Variants in SAMD12 observed in about 807,000 individuals in gnomAD.
The protein encoded by SAMD12 is sterile alpha motif domain-containing protein 12.
SAMD12 carries 9 observed loss-of-function variants against 15.0 expected under a neutral mutation model. The ratio of observed to expected loss-of-function variants is 0.60; its 90% confidence interval spans 0.36 to 1.05. The LOEUF (loss-of-function observed/expected upper bound fraction) is 1.05, where lower values mean the gene tolerates loss of function less well. Among genes scored for constraint, SAMD12 ranks in the 50% least tolerant of loss-of-function variants. The pLI is 0.01. For synonymous variants in SAMD12, 86 were observed against 90.1 expected, an observed-to-expected ratio of 0.96 and a Z score of 0.25; for missense variants, 230 against 234.2, an observed-to-expected ratio of 0.98 and a Z score of 0.12.
intron 1 of SAMD12, among the ~76,000 whole-genome samples, chr8:118,596,840 T>C (rs1410162578): frequency 6.6e-6 from 1 of 152,178 alleles, no homozygotes; most frequent in East Asian, 1.9e-4. Context: ...AGAAGACAGA[T>C]ATCACACAAA....
chr8:118,479,473 G>T (rs1824059578), intron 2 of SAMD12, among the ~76,000 whole-genome samples: 1 of 152,074 alleles, frequency 6.6e-6, no homozygotes, highest in Non-Finnish European at 1.5e-5. Flanking sequence ...AAACTATCAG[G>T]TCTTGTGAGA....
chr8:118,282,421 T>A (rs752609288), intron 4 of SAMD12: 16 of 450,422 alleles, frequency 3.6e-5, no homozygotes, highest in Non-Finnish European at 7.1e-5. Context: ...CCTTCTGCAG[T>A]CCAAAGGAAG....
At chr8:118,405,406 T>C (rs2130798101) in intron 3 of SAMD12, among the ~76,000 whole-genome samples, 1 of 137,776 alleles carries the variant, frequency 7.3e-6, no homozygotes, top group East Asian at 2.1e-4. Context: ...CACCGATAAA[T>C]CTGAAGACGA....
At position 118,456,101 on chromosome 8, in the gene SAMD12, C is replaced by A. The variant is rs143195258; in HGVS notation, c.193-16140G>T. Among the ~76,000 whole-genome samples, 50 of 152,332 alleles carry A rather than the reference C, an allele frequency of 3.3e-4. 1 individual carries two copies. Among genetic ancestry groups the A allele is most frequent in the African/African-American group, 9.6e-4 (40 of 41,586 alleles). ...TAATAAAATCCAAACTCCAAGCCTG[C>A]AAGGCCCTCTCTCCTAATGCATCTT... On this transcript the variant is annotated intron_variant, in intron 2 of 3. Coordinates refer to ENST00000314727, the MANE Select transcript of SAMD12 (RefSeq NM_207506.3).
At chr8:118,312,161 G>A (rs2130394922) in intron 4 of SAMD12, among the ~76,000 whole-genome samples, 1 of 150,792 alleles carries the variant, frequency 6.6e-6, no homozygotes, top group East Asian at 2.0e-4. Flanking sequence ...CCATGTAGAG[G>A]TCTCTCCCTT....
intron 2 of SAMD12, among the ~76,000 whole-genome samples, chr8:118,550,404 C>T (rs977705295): frequency 7.2e-5 from 11 of 152,128 alleles, no homozygotes; most frequent in Non-Finnish European, 1.5e-4. Context: ...ATTTGCAACC[C>T]AGAATTTCAT....
At chr8:118,270,336 A>G (rs1036234522) in intron 4 of SAMD12, among the ~76,000 whole-genome samples, 1 of 152,158 alleles carries the variant, frequency 6.6e-6, no homozygotes, top group Non-Finnish European at 1.5e-5. Flanking sequence ...AAATAAAACG[A>G]CTTTTCTTTC....
At chr8:118,207,926 TC>T (rs1221813999) in intron 4 of SAMD12, among the ~76,000 whole-genome samples, 1 of 37,532 alleles carries the variant, frequency 2.7e-5, no homozygotes, top group African/African-American at 1.4e-4. Context: ...ACGTAAATAC[TC>T]CTTTTTTTTT....
intron 4 of SAMD12, among the ~76,000 whole-genome samples, chr8:118,210,944 T>C (rs560474978): frequency 6.6e-6 from 1 of 152,304 alleles, no homozygotes; most frequent in South Asian, 2.1e-4. Context: ...CTAGGCACTG[T>C]GCTAAACATC....
chr8:118,331,017 A>T lies in SAMD12; in HGVS notation c.433+48543T>A, dbSNP rs1052836978. Among the ~76,000 whole-genome samples the T allele has an allele frequency of 7.5e-4, 114 of 152,028 alleles. 4 individuals carry two copies. The highest frequency in any genetic ancestry group is 2.9e-5 in the Non-Finnish European group (2 of 67,960). On this transcript the variant is annotated intron_variant, in intron 4 of 4. Transcript: ENST00000409003. ...GTAGGGAAAGACGCATAAAATATAC[A>T]TTCCTAGGGTCAAATGTAGGAAATT...
intron 3 of SAMD12, among the ~76,000 whole-genome samples, chr8:118,400,902 T>C (rs577897639): frequency 6.6e-6 from 1 of 152,326 alleles, no homozygotes; most frequent in South Asian, 2.1e-4. Flanking sequence ...ATTGCTATCA[T>C]AACATCAACA....
Position 118,315,422 on chromosome 8 carries a change from G to A in SAMD12, c.433+64138C>T, listed in dbSNP as rs541019147. Among the ~76,000 whole-genome samples, 7 of 152,212 alleles carry A rather than the reference G, an allele frequency of 4.6e-5. No individual in the cohort carries two copies. In the South Asian group the frequency reaches 1.5e-3, roughly 32 times the overall value. On this transcript the variant is annotated intron_variant, in intron 4 of 4. Coordinates refer to the SAMD12 transcript ENST00000409003. ...TCCCCCAGATCTCCTAAATTCCTGAGTTTAGATTTTCCCAGGAGAGAGTGA... is the reference window on the plus strand; with the variant it reads ...TCCCCCAGATCTCCTAAATTCCTGAATTTAGATTTTCCCAGGAGAGAGTGA...
intron 3 of SAMD12, among the ~76,000 whole-genome samples, chr8:118,396,599 T>C (rs2130773293): frequency 6.6e-6 from 1 of 152,326 alleles, no homozygotes; most frequent in Middle Eastern, 3.4e-3. Flanking sequence ...ATCCTCATTT[T>C]AAAGTTAAGA....
intron 2 of SAMD12, among the ~76,000 whole-genome samples, chr8:118,530,565 G>T (rs1049246152): frequency 6.6e-6 from 1 of 151,962 alleles, no homozygotes; most frequent in African/African-American, 2.4e-5. Flanking sequence ...TTTTCTTGTT[G>T]AGTTGTTTGA....
intron 4 of SAMD12, among the ~76,000 whole-genome samples, chr8:118,320,708 C>T (rs1445342885): frequency 6.6e-6 from 1 of 150,482 alleles, no homozygotes; most frequent in African/African-American, 2.5e-5. Context: ...AGGAGATATA[C>T]CTAACGTAAA....
chr8:118,605,657 T>G (rs1827966028), intron 1 of SAMD12, among the ~76,000 whole-genome samples: 1 of 151,890 alleles, frequency 6.6e-6, no homozygotes, highest in Non-Finnish European at 1.5e-5. Context: ...CTATGAAATT[T>G]TTTTAAAGAA....
At chr8:118,446,037 C>A (rs1232727767) in intron 2 of SAMD12, among the ~76,000 whole-genome samples, 5 of 152,120 alleles carry the variant, frequency 3.3e-5, no homozygotes. Context: ...TAACAGGTGT[C>A]AGTTCATCAT....
At chr8:118,283,259 C>T (rs1813747126) in intron 4 of SAMD12, among the ~76,000 whole-genome samples, 1 of 152,068 alleles carries the variant, frequency 6.6e-6, no homozygotes, top group South Asian at 2.1e-4. Context: ...TCATTTAGAT[C>T]TTATTCCTAA....
intron 1 of SAMD12, among the ~76,000 whole-genome samples, chr8:118,588,873 G>A (rs913913916): frequency 6.6e-6 from 1 of 152,000 alleles, no homozygotes; most frequent in Non-Finnish European, 1.5e-5. Context: ...TTATCACTTG[G>A]GTCAGGCAAT....
Sources: gnomAD v4.1 joint callset for allele counts (sites outside exome capture counted in the v4.1 genomes callset) on GRCh38, gnomAD v4.1.1 for gene constraint, MANE v1.5 for transcripts, NCBI Gene and HGNC (gene_info 2026-07-23, HGNC 2026-07-21) for gene names.